Variants in FSTL5 observed in about 807,000 individuals in gnomAD.
The protein encoded by FSTL5 is follistatin like 5, also known as follistatin-related protein 5.
FSTL5 carries 62 observed loss-of-function variants against 89.1 expected under a neutral mutation model. The ratio of observed to expected loss-of-function variants is 0.70; its 90% CI spans 0.57 to 0.86. The LOEUF (loss-of-function observed/expected upper bound fraction) is 0.86. Ranked by LOEUF, FSTL5 falls within the 40% of genes least tolerant of loss-of-function variation. The pLI, the probability that FSTL5 is intolerant of heterozygous loss-of-function variation, is 0.00. For missense variants in FSTL5, 1,057 were observed against 1,001.6 expected, an observed-to-expected ratio of 1.06 and a Z score of -0.75; for synonymous variants, 383 against 346.2, an observed-to-expected ratio of 1.11 and a Z score of -1.18.
chr4:162,137,177 A>G (rs1732552385), intron 1 of FSTL5, among the ~76,000 whole-genome samples: 1 of 152,166 alleles, frequency 6.6e-6, no homozygotes, highest in South Asian at 2.1e-4. Context: ...CAAGAAATAA[A>G]CAAAAACTGA....
chr4:161,421,479 C>A (rs1731990238), intron 15 of FSTL5, among the ~76,000 whole-genome samples: 1 of 152,194 alleles, frequency 6.6e-6, no homozygotes, highest in Admixed American at 6.5e-5. Flanking sequence ...TGAGCTGGAA[C>A]TTTGTTATTG....
chr4:161,656,250 G>A (rs1470474407), intron 7 of FSTL5, 78 bp downstream of exon 7: 1 of 682,748 alleles, frequency 1.5e-6, no homozygotes, highest in East Asian at 3.1e-5. Flanking sequence ...TATTCATTAA[G>A]CTCCCCTGAC....
Position 162,148,292 on chromosome 4 carries a change from T to C in FSTL5, c.-17+15323A>G, listed in dbSNP as rs7688944. Among the ~76,000 whole-genome samples, 1,412 of 152,112 alleles carry C rather than the reference T, an allele frequency of 9.3e-3. 28 individuals carry two copies. The highest frequency in any genetic ancestry group is 0.033 in the African/African-American group (1,353 of 41,478). On this transcript the variant is annotated intron_variant, in intron 1 of 15. Transcript: ENST00000306100. ...CTGAATATCTCAACTAGCCTGTCAC[T>C]GAAAAATGGCTGAACACAATCCAAA...
intron 1 of FSTL5, among the ~76,000 whole-genome samples, chr4:162,142,376 T>C (rs1055420190): frequency 3.3e-5 from 5 of 152,168 alleles, no homozygotes; most frequent in Non-Finnish European, 7.4e-5. Context: ...CTGTAAATTA[T>C]TGCTGACCTT....
chr4:161,796,243 C>A (rs1039577947), intron 4 of FSTL5, among the ~76,000 whole-genome samples: 1 of 151,744 alleles, frequency 6.6e-6, no homozygotes, highest in Non-Finnish European at 1.5e-5. Context: ...TTAACTTAGT[C>A]GAAAGTTTCC....
At chr4:161,411,830 A>AT in intron 15 of FSTL5, among the ~76,000 whole-genome samples, 1 of 152,318 alleles carries the variant, frequency 6.6e-6, no homozygotes, top group East Asian at 1.9e-4. Context: ...TAGAAGTCCT[A>AT]GCCAGAGCAA....
At chr4:161,475,828 C>A (rs1480854395) in intron 13 of FSTL5, among the ~76,000 whole-genome samples, 4 of 151,988 alleles carry the variant, frequency 2.6e-5, no homozygotes, top group African/African-American at 4.8e-5. Flanking sequence ...CAGCTCACTG[C>A]AAGCTCCGCT....
chr4:162,128,020 A>G (rs1052532356), intron 1 of FSTL5, among the ~76,000 whole-genome samples: 6 of 152,186 alleles, frequency 3.9e-5, no homozygotes, highest in Non-Finnish European at 8.8e-5. Flanking sequence ...TTAATATGCT[A>G]AAGTTAATTT....
In FSTL5 at chr4:161,877,587, G is replaced by A. The variant is rs181912120; in HGVS notation, c.409+42817C>T. ...CACTCCTGTAATCCCAGCACTTTGG[G>A]AGGCCGAGGAGGGCGGATCGCGAGA... On this transcript the variant is annotated intron_variant, in intron 4 of 15. Transcript: ENST00000306100. Among the ~76,000 whole-genome samples, 976 of 151,264 alleles carry A rather than the reference G, an allele frequency of 6.5e-3. 8 individuals carry two copies. The highest frequency in any genetic ancestry group is 0.01 in the Non-Finnish European group (695 of 67,820).
chr4:161,898,708 C>T (rs1163105799), intron 4 of FSTL5, among the ~76,000 whole-genome samples: 1 of 149,170 alleles, frequency 6.7e-6, no homozygotes, highest in Non-Finnish European at 1.5e-5. Flanking sequence ...CGGCTCACTG[C>T]AAGCTCCGCC....
At chr4:161,729,845 C>T (rs1739546206) in intron 6 of FSTL5, among the ~76,000 whole-genome samples, 1 of 152,138 alleles carries the variant, frequency 6.6e-6, no homozygotes, top group African/African-American at 2.4e-5. Context: ...ATTGTATGCT[C>T]TTCTGTACTT....
intron 3 of FSTL5, among the ~76,000 whole-genome samples, chr4:161,962,871 T>C (rs552130219): frequency 6.6e-6 from 1 of 152,140 alleles, no homozygotes; most frequent in African/African-American, 2.4e-5. Flanking sequence ...TACATTCATT[T>C]TGTAGATGAG....
chr4:161,384,103 T>A lies in FSTL5; in HGVS notation c.*1644A>T, dbSNP rs1730530021. 1 of 152,180 alleles carries A rather than the reference T, an allele frequency of 6.6e-6. No individual in the cohort carries two copies. The highest frequency in any genetic ancestry group is 2.4e-5 in the African/African-American group (1 of 41,450). 9.4% of individuals were successfully genotyped at this position (152,180 alleles called of 1,614,324 possible). On this transcript the variant is annotated 3_prime_UTR_variant, in exon 16 of 16. Transcript: ENST00000306100. ...ATAAGTAGAAACATAAGCTGATTTT[T>A]GTTGTTTATTAAATCTACCTCGCAT...
Position 161,775,913 on chromosome 4 carries a change from T to C in FSTL5, c.571A>G (p.Ser191Gly). The change falls in exon 5 of 16, where the codon AGT becomes GGT. Residue 191 changes from serine to glycine, a missense_variant. Ser to Gly is a moderately conservative substitution (Grantham distance 56). Coordinates refer to ENST00000306100, the MANE Select transcript of FSTL5 (RefSeq NM_020116.5). Reference protein sequence around the residue: ...DQMFKYFDADSNGLVDINELT... With the variant: ...DQMFKYFDADGNGLVDINELT... ...TCATTAATATCTACAAGTCCATTACTGTCTGCATCAAAATATTTAAACATT... is the reference window on the plus strand; with the variant it reads ...TCATTAATATCTACAAGTCCATTACCGTCTGCATCAAAATATTTAAACATT... 1 of 1,596,714 alleles carries C rather than the reference T, an allele frequency of 6.3e-7. No homozygotes were observed. Among genetic ancestry groups the C allele is most frequent in the Non-Finnish European group, 8.5e-7 (1 of 1,172,006 alleles).
chr4:161,549,082 A>G (rs1732107578), intron 8 of FSTL5, among the ~76,000 whole-genome samples: 1 of 151,748 alleles, frequency 6.6e-6, no homozygotes, highest in Admixed American at 6.6e-5. Flanking sequence ...GTGTTTCTCA[A>G]GTGAATTCTA....
At chr4:161,417,544 G>A (rs951845209) in intron 15 of FSTL5, among the ~76,000 whole-genome samples, 1 of 152,174 alleles carries the variant, frequency 6.6e-6, no homozygotes, top group Admixed American at 6.5e-5. Flanking sequence ...AATAGGTATT[G>A]TATGTGAAAT....
At chr4:161,419,457 A>C (rs1731908397) in intron 15 of FSTL5, among the ~76,000 whole-genome samples, 1 of 152,188 alleles carries the variant, frequency 6.6e-6, no homozygotes, top group Non-Finnish European at 1.5e-5. Context: ...AATACTCCTA[A>C]AGAAAAGAGG....
intron 10 of FSTL5, among the ~76,000 whole-genome samples, chr4:161,518,148 T>G (rs1206386822): frequency 6.6e-6 from 1 of 152,232 alleles, no homozygotes; most frequent in Non-Finnish European, 1.5e-5. Flanking sequence ...TTTCCTCCTG[T>G]GACCACACAG....
intron 3 of FSTL5, among the ~76,000 whole-genome samples, chr4:161,992,940 ATGTG>A (rs1253689041): frequency 1.8e-4 from 1 of 5,480 alleles, no homozygotes; most frequent in Admixed American, 2.6e-3. Context: ...GTATATATAT[ATGTG>A]TGTATATCTA....
Sources: allele counts gnomAD v4.1 joint callset (sites outside exome capture counted in the v4.1 genomes callset), GRCh38; gene constraint gnomAD v4.1.1; transcripts MANE v1.5; gene names NCBI Gene and HGNC (gene_info 2026-07-23, HGNC 2026-07-21).